Variants in CCDC50 observed in about 807,000 individuals in gnomAD.
The protein encoded by CCDC50 is coiled-coil domain containing 50, also known as coiled-coil domain-containing protein 50.
A neutral mutation model predicts 70.2 loss-of-function variants in CCDC50; 54 were observed. The observed-to-expected ratio is 0.77, with a 90% CI of 0.62 to 0.96. The LOEUF (loss-of-function observed/expected upper bound fraction) is 0.96, where lower values mean the gene tolerates loss of function less well. Ranked by LOEUF, CCDC50 falls within the 50% of genes least tolerant of loss-of-function variation. The pLI, the probability that CCDC50 is intolerant of heterozygous loss-of-function variation, is 0.00. For missense variants in CCDC50, 558 were observed against 578.7 expected, an observed-to-expected ratio of 0.96 and a Z score of 0.37; for synonymous variants, 216 against 198.8, an observed-to-expected ratio of 1.09 and a Z score of -0.73.
At chr3:191,375,834 C>T (rs1042260652) in intron 6 of CCDC50, among the ~76,000 whole-genome samples, 1 of 152,068 alleles carries the variant, frequency 6.6e-6, no homozygotes, top group Non-Finnish European at 1.5e-5. Context: ...TTATTCCATG[C>T]CCAGGTTGTA....
intron 1 of CCDC50, among the ~76,000 whole-genome samples, chr3:191,345,331 AT>A (rs1318146911): frequency 6.6e-6 from 1 of 152,204 alleles, no homozygotes; most frequent in Admixed American, 6.5e-5. Context: ...TTTAAAAATC[AT>A]TTATGGTAGC....
chr3:191,380,460 T>G (rs1713279106), intron 7 of CCDC50, among the ~76,000 whole-genome samples, 186 bp downstream of exon 7: 1 of 151,964 alleles, frequency 6.6e-6, no homozygotes, highest in South Asian at 2.1e-4. Context: ...AGCAGCAAAG[T>G]CCATAACTCC....
chr3:191,369,367 A>G (rs904788651), intron 4 of CCDC50, among the ~76,000 whole-genome samples: 2 of 152,046 alleles, frequency 1.3e-5, no homozygotes, highest in African/African-American at 4.8e-5. Flanking sequence ...ACGGAATGTT[A>G]TTCATCATTC....
intron 5 of CCDC50, among the ~76,000 whole-genome samples, chr3:191,374,154 A>AT (rs1713007625): frequency 6.6e-6 from 1 of 152,144 alleles, no homozygotes; most frequent in Non-Finnish European, 1.5e-5. Context: ...GTGCATATGC[A>AT]TTTGCTGCCT....
Position 191,365,526 on chromosome 3 carries a change from G to A in CCDC50, c.330+4367G>A, listed in dbSNP as rs539397794. ...TCTCTTCTTACACTATTATACTGAT[G>A]TTTTTACATCCATAGAATTGGTATT... On this transcript the variant is annotated intron_variant, in intron 4 of 11. Transcript: ENST00000392455. 1.1e-4 allele frequency among the ~76,000 whole-genome samples: 16 copies of A among 152,084 alleles called. 1 individual carries two copies. Among genetic ancestry groups the A allele is most frequent in the Middle Eastern group, 3.4e-3 (1 of 294 alleles).
intron 1 of CCDC50, among the ~76,000 whole-genome samples, chr3:191,352,027 A>G (rs1280671374): frequency 7.0e-6 from 1 of 142,238 alleles, no homozygotes; most frequent in Admixed American, 7.2e-5. Context: ...CGGTTTCTTG[A>G]TACATTCTGT....
intron 1 of CCDC50, among the ~76,000 whole-genome samples, 194 bp downstream of exon 1, chr3:191,329,917 G>A (rs1190033364): frequency 8.6e-6 from 1 of 116,666 alleles, no homozygotes; most frequent in African/African-American, 3.3e-5. Flanking sequence ...GACGTTCCAA[G>A]CCCGTTTTTT....
intron 6 of CCDC50, among the ~76,000 whole-genome samples, chr3:191,377,482 C>T (rs1229744084): frequency 6.6e-6 from 1 of 152,178 alleles, no homozygotes; most frequent in Middle Eastern, 3.4e-3. Context: ...CTTAACCTTT[C>T]GGAGTTACTT....
At chr3:191,364,930 C>T (rs1046595269) in intron 4 of CCDC50, among the ~76,000 whole-genome samples, 1 of 152,006 alleles carries the variant, frequency 6.6e-6, no homozygotes, top group African/African-American at 2.4e-5. Flanking sequence ...TGGTAGTTCT[C>T]CCTAGGCTCC....
chr3:191,342,288 G>A (rs1426345253), intron 1 of CCDC50, among the ~76,000 whole-genome samples: 1 of 152,144 alleles, frequency 6.6e-6, no homozygotes, highest in East Asian at 1.9e-4. Flanking sequence ...ATTTTACCAT[G>A]CCTGTTTATC....
rs1251220869 is a variant in CCDC50, at chr3:191,352,430, A to G, written c.50-4658A>G. ...CTAAGACCTGCTTGGCCTATTGTAA[A>G]TTAATTCACTGTATATACAGGCATC... On this transcript the variant is annotated intron_variant, in intron 1 of 11. Coordinates refer to ENST00000392455, the MANE Select transcript of CCDC50 (RefSeq NM_178335.3). Among the ~76,000 whole-genome samples the G allele has an allele frequency of 2.8e-5, 4 of 142,040 alleles. 1 individual carries two copies. The South Asian group carries it at 8.8e-4, about 31-fold the overall frequency. 93.2% of individuals were successfully genotyped at this position (142,040 alleles called of 152,430 possible).
intron 3 of CCDC50, among the ~76,000 whole-genome samples, chr3:191,359,874 G>C (rs1712422222): frequency 6.6e-6 from 1 of 152,168 alleles, no homozygotes; most frequent in Non-Finnish European, 1.5e-5. Flanking sequence ...GTTAATAACA[G>C]TATAATGAGC....
Position 191,349,046 on chromosome 3 carries a change from A to G in CCDC50, c.50-8042A>G, listed in dbSNP as rs1443720909. Among the ~76,000 whole-genome samples, 6 of 141,920 alleles carry G rather than the reference A, an allele frequency of 4.2e-5. No homozygotes were observed. The East Asian group carries it at 1.2e-3, about 27-fold the overall frequency. 93.1% of individuals were successfully genotyped at this position (141,920 alleles called of 152,430 possible). A position where few individuals can be genotyped will look rare whatever the true frequency, so the allele number is the denominator to read the frequency against. On this transcript the variant is annotated intron_variant, in intron 1 of 11. Coordinates refer to ENST00000392455, the MANE Select transcript of CCDC50 (RefSeq NM_178335.3). ...GAGCATAAGAGCGTGTCTGCTGTCT[A>G]TAGCCAAGCATCTCTAAGCTCCCTA... is the stretch of plus-strand genomic sequence containing the variant.
rs370227079 is a variant in CCDC50, at chr3:191,375,608, G to T, written c.976+19G>T. 4 of 1,609,544 alleles carry T rather than the reference G, an allele frequency of 2.5e-6. No homozygotes were observed. The South Asian group carries it at 4.4e-5, about 18-fold the overall frequency. On this transcript the variant is annotated intron_variant, in intron 6 of 11. Coordinates refer to ENST00000392455, the MANE Select transcript of CCDC50 (RefSeq NM_178335.3). ...GACGCAGGTAATAGAGGACAGTCTC[G>T]ATGGAAGTCCTGGTATCATGTATAT...
intron 1 of CCDC50, among the ~76,000 whole-genome samples, chr3:191,350,405 A>G (rs1429253789): frequency 2.1e-5 from 3 of 142,236 alleles, no homozygotes; most frequent in African/African-American, 7.5e-5. Context: ...ACAAAATTCT[A>G]CCATTCTATA....
At chr3:191,384,854 T>G (rs1250791472) in intron 10 of CCDC50, among the ~76,000 whole-genome samples, 1 of 152,142 alleles carries the variant, frequency 6.6e-6, no homozygotes, top group Non-Finnish European at 1.5e-5. Flanking sequence ...TGTCTATTAT[T>G]CACATCTTTA....
chr3:191,343,538 G>A (rs1227525575), intron 1 of CCDC50, among the ~76,000 whole-genome samples: 2 of 152,154 alleles, frequency 1.3e-5, no homozygotes, highest in Non-Finnish European at 2.9e-5. Flanking sequence ...TTTAAAAACA[G>A]CAGAAGTGCT....
intron 1 of CCDC50, among the ~76,000 whole-genome samples, chr3:191,332,832 A>G (rs1330786630): frequency 6.6e-6 from 1 of 152,156 alleles, no homozygotes; most frequent in Non-Finnish European, 1.5e-5. Context: ...TGAATTGTCC[A>G]CTTGCTGTAA....
At chr3:191,360,186 A>G (rs568640817) in intron 3 of CCDC50, among the ~76,000 whole-genome samples, 4 of 152,326 alleles carry the variant, frequency 2.6e-5, no homozygotes, top group South Asian at 2.1e-4. Context: ...CTTGTTTACT[A>G]CTGCTTTCTC....
Sources: gnomAD v4.1 joint callset for allele counts (sites outside exome capture counted in the v4.1 genomes callset) on GRCh38, gnomAD v4.1.1 for gene constraint, MANE v1.5 for transcripts, NCBI Gene and HGNC (gene_info 2026-07-23, HGNC 2026-07-21) for gene names.